CFI: variants seen among roughly 807,000 people sequenced by gnomAD.
CFI encodes complement factor I.
Under a neutral mutation model 78.8 loss-of-function variants are expected in CFI, and 66 were observed. The ratio of observed to expected loss-of-function variants is 0.84; its 90% CI spans 0.69 to 1.03. CFI has a LOEUF of 1.03. Among genes scored for constraint, CFI ranks in the 50% least tolerant of loss-of-function variants. CFI has a pLI of 0.00. For synonymous variants in CFI, 250 were observed against 232.6 expected (o/e 1.07, Z -0.68); for missense variants, 706 against 704.5 (o/e 1.00, Z -0.02).
chr4:109,751,840 A>G (rs1433211978), intron 8 of CFI, among the ~76,000 whole-genome samples: 1 of 152,216 alleles, frequency 6.6e-6, no homozygotes, highest in East Asian at 1.9e-4. Flanking sequence ...TAAAAATCCC[A>G]CTGAAACAGG....
At chr4:109,756,783 C>G (rs558606257) in intron 7 of CFI, among the ~76,000 whole-genome samples, 1 of 151,182 alleles carries the variant, frequency 6.6e-6, no homozygotes, top group Non-Finnish European at 1.5e-5. Flanking sequence ...TGCTTAAACC[C>G]GGGAGGTGGA....
At chr4:109,775,303 T>A (rs920391551) in intron 1 of CFI, among the ~76,000 whole-genome samples, 1 of 152,172 alleles carries the variant, frequency 6.6e-6, no homozygotes, top group African/African-American at 2.4e-5. Context: ...CCCACCCTAA[T>A]GCTGCACTTT....
At chr4:109,787,337 C>T (rs1273076926) in intron 1 of CFI, among the ~76,000 whole-genome samples, 1 of 152,046 alleles carries the variant, frequency 6.6e-6, no homozygotes, top group Non-Finnish European at 1.5e-5. Context: ...GAGTTTTAGG[C>T]CCCCTGTGGC....
At chr4:109,788,656 A>G (rs908860189) in intron 1 of CFI, among the ~76,000 whole-genome samples, 4 of 152,092 alleles carry the variant, frequency 2.6e-5, no homozygotes, top group African/African-American at 7.2e-5. Context: ...ACACCCCCAT[A>G]TAAGAAAATT....
chr4:109,751,534 C>A (rs145621383), intron 8 of CFI, among the ~76,000 whole-genome samples: 1 of 150,956 alleles, frequency 6.6e-6, no homozygotes. Context: ...CTCCACCTCC[C>A]GGGTTCAAGC....
intron 1 of CFI, among the ~76,000 whole-genome samples, chr4:109,801,475 T>C (rs910133132): frequency 6.6e-6 from 1 of 152,246 alleles, no homozygotes; most frequent in African/African-American, 2.4e-5. Flanking sequence ...TATACTGTCT[T>C]GTAACTTGCA....
chr4:109,764,420 T>C, intron 3 of CFI, 117 bp downstream of exon 3: 1 of 1,131,370 alleles, frequency 8.8e-7, no homozygotes. Flanking sequence ...ATGATGCACA[T>C]AGTTAATTTT....
rs1033603086 is a variant in CFI, at chr4:109,766,726, C to T, written c.156G>A (p.Gln52=). The change falls in exon 2 of 13, where the codon CAG becomes CAA. Residue 52 remains glutamine (Q), a synonymous_variant. Coordinates refer to ENST00000394634, the MANE Select transcript of CFI (RefSeq NM_000204.5). ...AAACACAGGTGCCCTCAATGCATCT[C>T]TGCCATGGCTGGCAGAAGACTTTAT... The part of the protein sequence containing the change: ...SCDKVFCQPW[Q]RCIEGTCVCK... 32 of 1,614,102 alleles carry T rather than the reference C, an allele frequency of 2.0e-5. No homozygotes were observed. In the Admixed American group the frequency reaches 5.3e-4, roughly 27 times the overall value.
rs551925849 is a variant in CFI, at chr4:109,740,776, A to G, written c.*117T>C. On this transcript the variant is annotated 3_prime_UTR_variant, in exon 13 of 13. Transcript: ENST00000394634. ...AAACTCTGTGGAGACCTTTAAAAATATCCAGTGAGATTTGCTTCATTTTTC... is the reference window on the plus strand; with the variant it reads ...AAACTCTGTGGAGACCTTTAAAAATGTCCAGTGAGATTTGCTTCATTTTTC... The G allele has an allele frequency of 4.9e-5, 46 of 945,154 alleles. No homozygotes were observed. The South Asian group carries it at 6.2e-4, about 13-fold the overall frequency. The allele number at this position is 945,154 out of a possible 1,614,324, so 58.5% of individuals were successfully genotyped here.
At chr4:109,760,675 G>A in intron 4 of CFI, 39 bp from the exon 5 acceptor site, 1 of 1,178,876 alleles carries the variant, frequency 8.5e-7, no homozygotes, top group Non-Finnish European at 1.3e-6. Flanking sequence ...TTTATTTATG[G>A]AGTGGTGGCA....
chr4:109,750,542 T>C (rs907933218), intron 8 of CFI, among the ~76,000 whole-genome samples: 1 of 152,110 alleles, frequency 6.6e-6, no homozygotes, highest in Admixed American at 6.6e-5. Flanking sequence ...TTCCTTCCTC[T>C]GTCTGTGAGC....
chr4:109,768,334 TAAAAAAAAAAAAA>T (rs756365540), intron 1 of CFI, among the ~76,000 whole-genome samples: 2 of 63,180 alleles, frequency 3.2e-5, no homozygotes, highest in Admixed American at 3.8e-4. Flanking sequence ...GAAGAAATCC[TAAAAAAAAAAAAA>T]AAAAAAGAAA....
At chr4:109,737,662 C>T (rs1028474673), downstream of CFI, among the ~76,000 whole-genome samples, 1 of 152,154 alleles carries the variant, frequency 6.6e-6, no homozygotes, top group African/African-American at 2.4e-5. Flanking sequence ...GAGACTGGGA[C>T]CCATGCTAGT....
intron 1 of CFI, among the ~76,000 whole-genome samples, chr4:109,788,729 A>T (rs1731035581): frequency 6.6e-6 from 1 of 152,094 alleles, no homozygotes; most frequent in Admixed American, 6.6e-5. Context: ...CAAAGTGAAC[A>T]TTTTTAAATG....
intron 1 of CFI, among the ~76,000 whole-genome samples, chr4:109,792,126 GA>G (rs1731459239): frequency 6.6e-6 from 1 of 152,126 alleles, no homozygotes; most frequent in Admixed American, 6.5e-5. Flanking sequence ...GTGCGCTTGA[GA>G]AAAATGTGTA....
intron 3 of CFI, 51 bp downstream of exon 3, chr4:109,764,486 A>G (rs774379950): frequency 1.0e-5 from 16 of 1,605,498 alleles, no homozygotes; most frequent in South Asian, 2.2e-5. Context: ...TCAAAAAGCA[A>G]ACAGAACAAT....
intron 7 of CFI, among the ~76,000 whole-genome samples, chr4:109,753,717 A>C (rs11940385): frequency 0.49 from 8,630 of 17,724 alleles, 936 homozygotes; most frequent in Non-Finnish European, 0.49. Flanking sequence ...TATATATTAT[A>C]TAATGTATAA....
intron 1 of CFI, among the ~76,000 whole-genome samples, chr4:109,795,382 C>T (rs964521619): frequency 1.3e-5 from 2 of 152,144 alleles, no homozygotes; most frequent in Non-Finnish European, 2.9e-5. Context: ...CTTTTTCTGC[C>T]AAAGTCAGTC....
chr4:109,754,023 G>A (rs1256501115), intron 7 of CFI, among the ~76,000 whole-genome samples: 1 of 149,854 alleles, frequency 6.7e-6, no homozygotes, highest in South Asian at 2.1e-4. Context: ...TCACTCTGTT[G>A]CCCAGACTGG....
Sources: gnomAD v4.1 joint callset for allele counts (sites outside exome capture counted in the v4.1 genomes callset) on GRCh38, gnomAD v4.1.1 for gene constraint, MANE v1.5 for transcripts, NCBI Gene and HGNC (gene_info 2026-07-23, HGNC 2026-07-21) for gene names.